ACCSL: variants seen among roughly 807,000 people sequenced by gnomAD.
The protein encoded by ACCSL is 1-aminocyclopropane-1-carboxylate synthase homolog (inactive) like, also known as probable inactive 1-aminocyclopropane-1-carboxylate synthase-like protein 2.
In ACCSL, 55 loss-of-function variants were observed where a neutral mutation model predicts 61.7. The observed-to-expected ratio is 0.89, with a 90% CI of 0.72 to 1.12. ACCSL has a LOEUF of 1.12. Among genes scored for constraint, ACCSL ranks in the 50% most tolerant of loss-of-function variants. ACCSL has a pLI of 0.00. For missense variants in ACCSL, 632 were observed against 698.0 expected (o/e 0.91, Z 1.07); for synonymous variants, 258 against 264.3 (o/e 0.98, Z 0.23).
intron 2 of ACCSL, among the ~76,000 whole-genome samples, chr11:44,050,341 T>A (rs1458779019): frequency 6.6e-6 from 1 of 152,216 alleles, no homozygotes; most frequent in East Asian, 1.9e-4. Flanking sequence ...TGGGAACCTC[T>A]GGGTCAAATA....
the ACCSL span, among the ~76,000 whole-genome samples, chr11:44,033,479 G>C: frequency 7.4e-4 from 113 of 152,262 alleles, 1 homozygote; most frequent in African/African-American, 2.7e-3. Flanking sequence ...CCCCTTCCCA[G>C]CCAGGGAACC....
the ACCSL span, chr11:43,943,929 C>A: frequency 8.9e-7 from 1 of 1,120,808 alleles, no homozygotes; most frequent in Non-Finnish European, 1.2e-6. The surrounding 1 kb of genome is among the most constrained non-coding windows in gnomAD (Gnocchi z 4.8). Context: ...TCCAGGCTCC[C>A]AAGACTCGGG....
At chr11:44,045,315 C>G (rs1016175623), upstream of ACCSL, among the ~76,000 whole-genome samples, 15 of 152,036 alleles carry the variant, frequency 9.9e-5, no homozygotes, top group Non-Finnish European at 1.9e-4. Context: ...TGGAATGTGC[C>G]TGTAGTCCCA....
chr11:43,982,590 C>G, the ACCSL span, among the ~76,000 whole-genome samples: 4 of 152,140 alleles, frequency 2.6e-5, no homozygotes, highest in Non-Finnish European at 5.9e-5. Context: ...GAACCGCCCG[C>G]ATGGGGAGGC....
At chr11:43,951,411 G>A in the ACCSL span, among the ~76,000 whole-genome samples, 1 of 152,278 alleles carries the variant, frequency 6.6e-6, no homozygotes, top group South Asian at 2.1e-4. Context: ...AAGGTAGCTG[G>A]GAATTAAAAT....
chr11:44,014,064 T>G, the ACCSL span, among the ~76,000 whole-genome samples: 1 of 152,216 alleles, frequency 6.6e-6, no homozygotes, highest in Non-Finnish European at 1.5e-5. Context: ...ATAAGGGTTC[T>G]TTTTGTTTGG....
At chr11:43,950,051 A>G in the ACCSL span, among the ~76,000 whole-genome samples, 170 of 152,318 alleles carry the variant, frequency 1.1e-3, no homozygotes, top group Non-Finnish European at 2.0e-3. Context: ...GTTTATGTAA[A>G]AATGCAGATT....
chr11:43,941,834 G>T, the ACCSL span, among the ~76,000 whole-genome samples: 3 of 152,166 alleles, frequency 2.0e-5, no homozygotes, highest in Non-Finnish European at 4.4e-5. Flanking sequence ...CAGAGCTCAT[G>T]GTTGGCTTGG....
At chr11:44,024,441 C>CTCTCTCTCTGTGTGTGTGTG in the ACCSL span, among the ~76,000 whole-genome samples, 1 of 132,014 alleles carries the variant, frequency 7.6e-6, no homozygotes, top group Non-Finnish European at 1.6e-5. Context: ...CTCTCTCTCT[C>CTCTCTCTCTGTGTGTGTGTG]TGTGTGTGTG....
chr11:43,925,341 C>T, the ACCSL span: 1 of 455,950 alleles, frequency 2.2e-6, no homozygotes, highest in Admixed American at 2.4e-5. Context: ...CAAGAGGGAA[C>T]ATGGGAAACA....
the ACCSL span, chr11:43,925,521 G>A: frequency 2.9e-5 from 13 of 447,118 alleles, no homozygotes; most frequent in African/African-American, 1.8e-4. Context: ...TGCACCAACC[G>A]ATGAGGGGAA....
the ACCSL span, chr11:43,973,786 T>C: frequency 6.6e-6 from 1 of 152,212 alleles, no homozygotes; most frequent in East Asian, 1.9e-4. Context: ...TCACTCCTCA[T>C]GTTTATCCTG....
At chr11:43,977,784 T>G in the ACCSL span, among the ~76,000 whole-genome samples, 1 of 152,148 alleles carries the variant, frequency 6.6e-6, no homozygotes, top group Middle Eastern at 3.4e-3. Flanking sequence ...GGTGGTGGAG[T>G]CACACTGACC....
At chr11:43,922,900 T>C in the ACCSL span, among the ~76,000 whole-genome samples, 11,204 of 152,246 alleles carry the variant, frequency 0.074, 980 homozygotes, top group African/African-American at 0.21. Context: ...GCAACTTGCT[T>C]CAAACATGGG....
upstream of ACCSL, among the ~76,000 whole-genome samples, chr11:44,044,049 T>C (rs1952587102): frequency 6.6e-6 from 1 of 152,212 alleles, no homozygotes; most frequent in South Asian, 2.1e-4. Context: ...CACAATATTT[T>C]AAAAATGCTT....
chr11:44,056,306 G>A lies in ACCSL; in HGVS notation c.1307G>A (p.Cys436Tyr). 6.2e-7 allele frequency: 1 copy of A among 1,613,974 alleles called. No homozygotes were observed. The highest frequency in any genetic ancestry group is 8.5e-7 in the Non-Finnish European group (1 of 1,179,970). The change falls in exon 11 of 14, where the codon TGT becomes TAT. Residue 436 changes from cysteine (C) to tyrosine (Y), a missense_variant. Physicochemically the swap from Cys to Tyr is radical, Grantham distance 194 (BLOSUM62 -2). Coordinates refer to ENST00000378832, the MANE Select transcript of ACCSL (RefSeq NM_001031854.2). ...SISGITQHKL[C>Y]QLLQNTEWID... ...TCTGGCATCACCCAGCACAAGCTGT[G>A]TCAACTGCTCCAGAACACAGGTACT...
intron 5 of ACCSL, 102 bp from the exon 6 acceptor site, chr11:44,052,560 C>T (rs936068732): frequency 1.0e-6 from 1 of 971,072 alleles, no homozygotes; most frequent in African/African-American, 1.6e-5. Context: ...GATCGTGAAA[C>T]TGACTTTTTT....
chr11:43,939,306 G>A, the ACCSL span, among the ~76,000 whole-genome samples: 1 of 152,140 alleles, frequency 6.6e-6, no homozygotes, highest in Non-Finnish European at 1.5e-5. Flanking sequence ...ACCACCTATT[G>A]GCTAAGCCAA....
At chr11:43,986,688 G>T in the ACCSL span, among the ~76,000 whole-genome samples, 1 of 152,184 alleles carries the variant, frequency 6.6e-6, no homozygotes, top group African/African-American at 2.4e-5. Flanking sequence ...TTCTCAGAGA[G>T]ACAATGAAGA....
Sources: allele counts gnomAD v4.1 joint callset (sites outside exome capture counted in the v4.1 genomes callset), GRCh38; gene constraint gnomAD v4.1.1; non-coding constraint Gnocchi (gnomAD v3.1); transcripts MANE v1.5; gene names NCBI Gene and HGNC (gene_info 2026-07-23, HGNC 2026-07-21).